STOX2: variants seen among roughly 807,000 people sequenced by gnomAD.
STOX2 encodes storkhead box 2, also known as storkhead-box protein 2.
A neutral mutation model predicts 60.9 loss-of-function variants in STOX2; 28 were observed. The ratio of observed to expected loss-of-function variants is 0.46; its 90% confidence interval spans 0.34 to 0.63. The LOEUF is 0.63. STOX2 is among the 30% of genes least tolerant of loss of function. The pLI is 0.01. For missense variants in STOX2, 1,024 were observed against 1,187.7 expected, an observed-to-expected ratio of 0.86 and a Z score of 2.03; for synonymous variants, 472 against 463.9, an observed-to-expected ratio of 1.02 and a Z score of -0.22.
chr4:184,006,735 G>A (rs1192080924), intron 2 of STOX2, among the ~76,000 whole-genome samples: 2 of 139,912 alleles, frequency 1.4e-5, no homozygotes, highest in Non-Finnish European at 3.1e-5. Context: ...TTTCTATTTT[G>A]TACAGAAAGT....
At chr4:183,884,499 A>G (rs559416172) in intron 1 of STOX2, among the ~76,000 whole-genome samples, 38 of 152,272 alleles carry the variant, frequency 2.5e-4, no homozygotes, top group African/African-American at 8.9e-4. Flanking sequence ...CAAATAAAAT[A>G]ATTTATGGTT....
intron 3 of STOX2, among the ~76,000 whole-genome samples, chr4:184,012,050 A>G (rs1292550266): frequency 6.6e-6 from 1 of 152,222 alleles, no homozygotes; most frequent in East Asian, 1.9e-4. Context: ...AGCATGTGCC[A>G]TGTTTATTTC....
chr4:183,921,847 A>T (rs548579021), intron 1 of STOX2, among the ~76,000 whole-genome samples: 43 of 152,208 alleles, frequency 2.8e-4, no homozygotes, highest in Non-Finnish European at 5.3e-4. Context: ...GCTAACACTT[A>T]AATTCTCTGT....
intron 1 of STOX2, among the ~76,000 whole-genome samples, chr4:183,942,212 A>G (rs967054432): frequency 1.3e-5 from 2 of 152,098 alleles, no homozygotes; most frequent in Admixed American, 6.6e-5. Context: ...GTACAATCCA[A>G]TTTACTGTTG....
At chr4:183,885,841 A>T (rs1221145040) in intron 1 of STOX2, among the ~76,000 whole-genome samples, 2 of 152,228 alleles carry the variant, frequency 1.3e-5, no homozygotes, top group African/African-American at 4.8e-5. Flanking sequence ...CCTTTATAAC[A>T]ATGTTTGCGT....
rs1734508915 is a variant in STOX2, at chr4:184,019,893, G to C, written c.*2609G>C. The C allele has an allele frequency of 6.6e-6, 1 of 152,188 alleles. No homozygotes were observed. The highest frequency in any genetic ancestry group is 1.5e-5 in the Non-Finnish European group (1 of 68,046). 9.4% of individuals were successfully genotyped at this position (152,188 alleles called of 1,614,324 possible). A position where few individuals can be genotyped will look rare whatever the true frequency, so the allele number is the denominator to read the frequency against. ...AACAGTGGGGGCCTCGCCAGGCGTT[G>C]CCAGTATCCCTTTCCTCCTGTAAAA... On this transcript the variant is annotated 3_prime_UTR_variant, in exon 4 of 4. Coordinates refer to ENST00000308497, the MANE Select transcript of STOX2 (RefSeq NM_020225.3).
upstream of STOX2, among the ~76,000 whole-genome samples, chr4:183,901,390 C>G (rs1413466662): frequency 1.3e-5 from 2 of 152,138 alleles, no homozygotes; most frequent in Non-Finnish European, 2.9e-5. Flanking sequence ...GTCCAGATAT[C>G]TCTTCGAGTC....
intron 1 of STOX2, among the ~76,000 whole-genome samples, chr4:183,891,126 T>C (rs1741198211): frequency 6.6e-6 from 1 of 151,750 alleles, no homozygotes; most frequent in South Asian, 2.1e-4. Flanking sequence ...TAAAAAATAA[T>C]AATCCAATGT....
rs1456779389 is a variant in STOX2 at position 183,906,008 on chromosome 4, C to G, written c.-783C>G. The G allele has an allele frequency of 6.6e-6, 1 of 152,230 alleles. No homozygotes were observed. Among genetic ancestry groups the G allele is most frequent in the Admixed American group, 6.5e-5 (1 of 15,292 alleles). The allele number at this position is 152,230 out of a possible 1,614,324, so 9.4% of individuals were successfully genotyped here. Reference sequence around the variant, plus strand: ...GGAGCCTCGGCAAGGGGAAGATTGACGAGGCGCTGCAGTCGCGGGGACGAC... The same window carrying G: ...GGAGCCTCGGCAAGGGGAAGATTGAGGAGGCGCTGCAGTCGCGGGGACGAC... On this transcript the variant is annotated 5_prime_UTR_variant, in exon 1 of 4. Coordinates refer to ENST00000308497, the MANE Select transcript of STOX2 (RefSeq NM_020225.3).
intron 1 of STOX2, among the ~76,000 whole-genome samples, chr4:183,877,304 A>C (rs1023539902): frequency 1.3e-5 from 2 of 152,174 alleles, no homozygotes; most frequent in Non-Finnish European, 2.9e-5. Flanking sequence ...AGAAATGAAG[A>C]ATCTCGGGTC....
At chr4:183,897,319 C>T (rs1041519911) in intron 1 of STOX2, among the ~76,000 whole-genome samples, 4 of 152,214 alleles carry the variant, frequency 2.6e-5, no homozygotes, top group Non-Finnish European at 5.9e-5. Context: ...GAAGCCTGTT[C>T]TCTGTGAGAG....
At chr4:183,944,200 C>T (rs1385718530) in intron 1 of STOX2, among the ~76,000 whole-genome samples, 3 of 151,868 alleles carry the variant, frequency 2.0e-5, no homozygotes, top group Non-Finnish European at 4.4e-5. Flanking sequence ...ATCCCTTTTG[C>T]TAAGTGAGTG....
intron 1 of STOX2, among the ~76,000 whole-genome samples, chr4:183,820,930 G>A (rs533301369): frequency 2.2e-4 from 33 of 149,666 alleles, no homozygotes; most frequent in African/African-American, 7.8e-4. Flanking sequence ...GTGAGACCCC[G>A]TCTCTACAAA....
At chr4:183,945,163 T>C (rs1742852753) in intron 1 of STOX2, among the ~76,000 whole-genome samples, 2 of 152,200 alleles carry the variant, frequency 1.3e-5, no homozygotes, top group Non-Finnish European at 2.9e-5. Flanking sequence ...ATTTCATCAA[T>C]TGTCAGTTTT....
chr4:183,836,345 G>A lies in STOX2; in HGVS notation c.364+38290G>A, dbSNP rs1274908797. Among the ~76,000 whole-genome samples, 9 of 152,338 alleles carry A rather than the reference G, an allele frequency of 5.9e-5. No homozygotes were observed. The East Asian group carries it at 1.4e-3, about 23-fold the overall frequency. Reference sequence around the variant, plus strand: ...GGTGTAGCGGGTTTCAGCAGCAACAGTGGTCTGAGGACCACTAAAAATAAA... The same window carrying A: ...GGTGTAGCGGGTTTCAGCAGCAACAATGGTCTGAGGACCACTAAAAATAAA... On this transcript the variant is annotated intron_variant, in intron 1 of 2. Transcript: ENST00000513034. This position sits in a 1 kb window ranked among gnomAD's most constrained non-coding sequence, Gnocchi z 4.1.
At position 183,836,284 on chromosome 4, in the gene STOX2, G is replaced by A. The variant is rs7682282; in HGVS notation, c.364+38229G>A. Among the ~76,000 whole-genome samples the A allele has an allele frequency of 0.57, 86,816 of 151,976 alleles. 25,250 individuals are homozygous for A. Among genetic ancestry groups the A allele is most frequent in the East Asian group, 0.84 (4,362 of 5,170 alleles). ...TTGCTTTATCCTCTGAGGTTGCACC[G>A]CAGATCCTCTTCTGCAAGTCAATGG... On this transcript the variant is annotated intron_variant, in intron 1 of 2. Transcript: ENST00000513034. The surrounding 1 kb of genome is among the most constrained non-coding windows in gnomAD (Gnocchi z 4.1).
chr4:183,993,360 G>A (rs759873410), intron 1 of STOX2, among the ~76,000 whole-genome samples: 2 of 152,188 alleles, frequency 1.3e-5, no homozygotes, highest in African/African-American at 2.4e-5. Context: ...ACAAAGGCCC[G>A]GGTGACGTGG....
At chr4:183,814,637 A>G (rs929214666) in intron 1 of STOX2, among the ~76,000 whole-genome samples, 23 of 152,238 alleles carry the variant, frequency 1.5e-4, no homozygotes, top group African/African-American at 5.5e-4. Context: ...AAACAAATAC[A>G]TGCCCCGTGG....
chr4:183,898,705 T>A (rs1398245961), intron 1 of STOX2, among the ~76,000 whole-genome samples: 1 of 151,528 alleles, frequency 6.6e-6, no homozygotes, highest in Non-Finnish European at 1.5e-5. Context: ...CTGTAGAGAG[T>A]GACAATGAAA....
Sources: gnomAD v4.1 joint callset for allele counts (sites outside exome capture counted in the v4.1 genomes callset) on GRCh38, gnomAD v4.1.1 for gene constraint, Gnocchi (gnomAD v3.1) non-coding constraint, MANE v1.5 for transcripts, NCBI Gene and HGNC (gene_info 2026-07-23, HGNC 2026-07-21) for gene names.